ESD: variants seen among roughly 807,000 people sequenced by gnomAD.
ESD encodes esterase D.
Under a neutral mutation model 38.1 loss-of-function variants are expected in ESD, and 34 were observed. The observed-to-expected ratio is 0.89, with a 90% confidence interval of 0.68 to 1.19. ESD has a LOEUF of 1.19. ESD is among the 50% of genes most tolerant of loss of function. The pLI, the probability that ESD is intolerant of heterozygous loss-of-function variation, is 0.00. For synonymous variants in ESD, 97 were observed against 107.0 expected, an observed-to-expected ratio of 0.91 and a Z score of 0.58; for missense variants, 334 against 327.2, an observed-to-expected ratio of 1.02 and a Z score of -0.16.
At chr13:46,794,085 T>A (rs984236329) in intron 1 of ESD, among the ~76,000 whole-genome samples, 1 of 152,076 alleles carries the variant, frequency 6.6e-6, no homozygotes, top group African/African-American at 2.4e-5. Context: ...GAACAGATTT[T>A]GTGGGAGAAA....
intron 8 of ESD, among the ~76,000 whole-genome samples, chr13:46,779,711 A>G (rs1416680654): frequency 6.8e-6 from 1 of 146,174 alleles, no homozygotes; most frequent in Admixed American, 6.9e-5. Context: ...TGATTTATAT[A>G]TATATATATA....
At chr13:46,795,726 C>A (rs1002357080) in intron 1 of ESD, among the ~76,000 whole-genome samples, 2 of 151,924 alleles carry the variant, frequency 1.3e-5, no homozygotes, top group African/African-American at 4.8e-5. Context: ...TCACACTCTA[C>A]CTGTGTGCAA....
At chr13:46,771,590 TTA>T in intron 9 of ESD, 94 bp from the exon 10 acceptor site, 1 of 735,412 alleles carries the variant, frequency 1.4e-6, no homozygotes, top group Non-Finnish European at 2.3e-6. Flanking sequence ...TTTAATTTGC[TTA>T]CAAATAGTCA....
chr13:46,795,639 C>A (rs941768240), intron 1 of ESD, among the ~76,000 whole-genome samples: 2 of 152,024 alleles, frequency 1.3e-5, no homozygotes, highest in African/African-American at 4.8e-5. Context: ...AAGTTTAATG[C>A]CATTAAAATT....
At position 46,777,549 on chromosome 13, in the gene ESD, A is replaced by T. The variant is rs376230652; in HGVS notation, c.675T>A (p.Asp225Glu). ...ACTGTCCATCTAAAAGAAACTGGTC[A>T]TCTTTCCCTTGATCAATTAGTATGT... Reference protein sequence around the residue: ...QLDILIDQGKDDQFLLDGQLL... With the variant: ...QLDILIDQGKEDQFLLDGQLL... Residue 225 changes from aspartate to glutamate, a missense_variant, in exon 9 of 10, where the codon GAT becomes GAA. Coordinates refer to ENST00000378720, the MANE Select transcript of ESD (RefSeq NM_001984.2). The T allele has an allele frequency of 1.9e-5, 30 of 1,611,678 alleles. No individual in the cohort carries two copies. In the South Asian group the frequency reaches 3.3e-4, roughly 18 times the overall value.
At chr13:46,775,409 T>C (rs1048089215) in intron 9 of ESD, 1 of 222,256 alleles carries the variant, frequency 4.5e-6, no homozygotes, top group Non-Finnish European at 9.2e-6. Context: ...CTTTATTCTT[T>C]CTCAGATCGT....
intron 5 of ESD, among the ~76,000 whole-genome samples, chr13:46,783,125 A>C (rs895803473): frequency 6.6e-6 from 1 of 151,942 alleles, no homozygotes; most frequent in Non-Finnish European, 1.5e-5. Context: ...ACCTGTCAAA[A>C]AGGACTTATA....
At chr13:46,784,925 TG>T (rs1875137385) in intron 4 of ESD, among the ~76,000 whole-genome samples, 1 of 151,958 alleles carries the variant, frequency 6.6e-6, no homozygotes, top group Non-Finnish European at 1.5e-5. Flanking sequence ...ACAACCCCAG[TG>T]AAGTGTTATC....
chr13:46,778,260 C>T (rs575481214), intron 8 of ESD, among the ~76,000 whole-genome samples: 19 of 151,882 alleles, frequency 1.3e-4, no homozygotes, highest in East Asian at 9.7e-4. Context: ...TCATCCACCT[C>T]GAAATATTCT....
chr13:46,774,817 TGA>T (rs1251550417), intron 9 of ESD, among the ~76,000 whole-genome samples: 14 of 152,180 alleles, frequency 9.2e-5, no homozygotes, highest in Non-Finnish European at 1.9e-4. Context: ...TAACAAGTAT[TGA>T]GAGTCTCTGT....
chr13:46,779,705 T>TTATATA (rs1005655413), intron 8 of ESD, among the ~76,000 whole-genome samples: 1 of 143,410 alleles, frequency 7.0e-6, no homozygotes, highest in Non-Finnish European at 1.5e-5. Flanking sequence ...TTTTGTTGAT[T>TTATATA]TATATATATA....
chr13:46,772,253 T>C (rs1874632450), intron 9 of ESD, among the ~76,000 whole-genome samples: 1 of 152,054 alleles, frequency 6.6e-6, no homozygotes, highest in Non-Finnish European at 1.5e-5. Flanking sequence ...CAGAGAAAAA[T>C]GCAATGTGCT....
rs719920 is a variant in ESD at position 46,791,674 on chromosome 13, G to A, written c.-7-254C>T. ...TACTAATTTATTAACAAGTTTTTTC[G>A]TTGTGGTGGACTGCCCCAAATTATT... is the stretch of plus-strand genomic sequence containing the variant. On this transcript the variant is annotated intron_variant, in intron 2 of 9. Transcript: ENST00000378720. 1.3e-4 allele frequency among the ~76,000 whole-genome samples: 19 copies of A among 151,892 alleles called. No homozygotes were observed. The South Asian group carries it at 2.9e-3, about 23-fold the overall frequency.
chr13:46,776,015 A>G (rs1399273247), intron 9 of ESD: 1 of 211,644 alleles, frequency 4.7e-6, no homozygotes, highest in Non-Finnish European at 9.6e-6. Context: ...CAAATGAGGT[A>G]TCCAACATGG....
chr13:46,772,038 A>G (rs1874625086), intron 9 of ESD, among the ~76,000 whole-genome samples: 2 of 152,182 alleles, frequency 1.3e-5, no homozygotes, highest in African/African-American at 4.8e-5. Flanking sequence ...GCACACAAAC[A>G]ATATAGAAAA....
At chr13:46,786,496 A>G (rs1425098644) in intron 4 of ESD, among the ~76,000 whole-genome samples, 1 of 152,014 alleles carries the variant, frequency 6.6e-6, no homozygotes, top group African/African-American at 2.4e-5. Context: ...TTCACAATCT[A>G]TTCTACAGTA....
intron 5 of ESD, among the ~76,000 whole-genome samples, chr13:46,783,977 A>G (rs1007991917): frequency 1.3e-5 from 2 of 151,972 alleles, no homozygotes; most frequent in Admixed American, 1.3e-4. Flanking sequence ...CCAACATGAT[A>G]TATGAATTGA....
At chr13:46,778,060 T>C (rs1419790078) in intron 8 of ESD, among the ~76,000 whole-genome samples, 1 of 151,756 alleles carries the variant, frequency 6.6e-6, no homozygotes, top group African/African-American at 2.4e-5. Flanking sequence ...TTTTTTTTTA[T>C]GTCTCTTCTT....
chr13:46,775,891 G>C, intron 9 of ESD: 1 of 277,576 alleles, frequency 3.6e-6, no homozygotes. Flanking sequence ...CTCCAGGAAT[G>C]TCATCATGTT....
Sources: allele counts gnomAD v4.1 joint callset (sites outside exome capture counted in the v4.1 genomes callset), GRCh38; gene constraint gnomAD v4.1.1; transcripts MANE v1.5; gene names NCBI Gene and HGNC (gene_info 2026-07-23, HGNC 2026-07-21).